EPB41L3: variants seen among roughly 807,000 people sequenced by gnomAD.
EPB41L3 encodes band 4.1-like protein 3.
EPB41L3 carries 57 observed loss-of-function variants against 127.1 expected under a neutral mutation model. That is an observed-to-expected ratio of 0.45 (90% CI 0.36 to 0.56). EPB41L3 has a LOEUF of 0.56. Ranked by LOEUF, EPB41L3 falls within the 20% of genes least tolerant of loss-of-function variation. The probability of loss-of-function intolerance (pLI) is 0.00; values close to 1 mark genes in which losing one functional copy is unlikely to be tolerated. For synonymous variants in EPB41L3, 572 were observed against 549.5 expected, an observed-to-expected ratio of 1.04 and a Z score of -0.57; for missense variants, 1,273 against 1,372.2, an observed-to-expected ratio of 0.93 and a Z score of 1.14.
At chr18:5,593,551 C>T (rs755043887) in intron 3 of EPB41L3, among the ~76,000 whole-genome samples, 7 of 152,030 alleles carry the variant, frequency 4.6e-5, no homozygotes, top group South Asian at 4.1e-4. Flanking sequence ...GGGACCAGGG[C>T]GAAATTAAAA....
At chr18:5,428,933 C>T (rs1295951613) in intron 8 of EPB41L3, among the ~76,000 whole-genome samples, 2 of 152,206 alleles carry the variant, frequency 1.3e-5, no homozygotes, top group African/African-American at 4.8e-5. Context: ...AGGCAGCACT[C>T]TTAACCAACA....
chr18:5,414,974 C>T (rs72866833), intron 13 of EPB41L3, among the ~76,000 whole-genome samples: 5,174 of 152,278 alleles, frequency 0.034, 124 homozygotes, highest in South Asian at 0.071. Flanking sequence ...TGGCTGGCAG[C>T]CATAGAGGCC....
intron 1 of EPB41L3, among the ~76,000 whole-genome samples, chr18:5,524,352 C>T (rs1032006850): frequency 2.0e-5 from 3 of 152,080 alleles, no homozygotes; most frequent in Non-Finnish European, 4.4e-5. Flanking sequence ...TGCCACCACG[C>T]CTGGCTAATT....
At chr18:5,600,469 C>CTT (rs1318685920) in intron 3 of EPB41L3, among the ~76,000 whole-genome samples, 1 of 152,132 alleles carries the variant, frequency 6.6e-6, no homozygotes, top group East Asian at 1.9e-4. Context: ...AAATATCAGT[C>CTT]TTTTGCTTTA....
At position 5,416,030 on chromosome 18, in the gene EPB41L3, G is replaced by T; in HGVS notation, c.1855C>A (p.Gln619Lys). Residue 619 changes from glutamine (Q) to lysine (K), a missense_variant, in exon 13 of 23, where the codon CAG (glutamine) becomes AAG (lysine). Physicochemically the swap from Gln to Lys is moderately conservative, Grantham distance 53. This residue lies in a region of EPB41L3 where 765 missense variants were observed against 782.9 expected (regional missense o/e 0.98). Coordinates refer to ENST00000341928, the MANE Select transcript of EPB41L3 (RefSeq NM_012307.5). Reference protein sequence around the residue: ...PNLSETNLLPQSLQHYLPIRS... With the variant: ...PNLSETNLLPKSLQHYLPIRS... ...ATCGGGAGGTAATGCTGCAAGCTCT[G>T]GGGCAGGAGGTTGGTTTCAGAAAGG... is the stretch of plus-strand genomic sequence containing the variant. 1 of 1,614,014 alleles carries T rather than the reference G, an allele frequency of 6.2e-7. No homozygotes were observed. Among genetic ancestry groups the T allele is most frequent in the Non-Finnish European group, 8.5e-7 (1 of 1,179,926 alleles).
chr18:5,561,141 C>G (rs1473207465), intron 3 of EPB41L3, among the ~76,000 whole-genome samples: 1 of 150,938 alleles, frequency 6.6e-6, no homozygotes, highest in Non-Finnish European at 1.5e-5. Flanking sequence ...CTACGCCCGG[C>G]TAATGTCTTG....
rs749541572 is a variant in EPB41L3, at chr18:5,397,302, G to A, written c.2597C>T (p.Ala866Val). Residue 866 changes from alanine to valine, a missense_variant, in exon 18 of 23, where the codon GCG (alanine) becomes GTG (valine). This residue lies in a region of EPB41L3 where 765 missense variants were observed against 782.9 expected (regional missense o/e 0.98). Transcript: ENST00000341928. This position sits in a 1 kb window ranked among gnomAD's most constrained non-coding sequence, Gnocchi z 4.1. ...CGCCGAGTAAGAAGCATCCCCACTC[G>A]CGTGCACCACACGCCGCTCCTCCAC... ...VLVEERRVVH[A>V]SGDASYSAGD... is the part of the protein sequence containing the mutation. 23 of 1,613,740 alleles carry A rather than the reference G, an allele frequency of 1.4e-5. No homozygotes were observed. The highest frequency in any genetic ancestry group is 2.2e-5 in the East Asian group (1 of 44,858).
chr18:5,432,871 T>C (rs1360873729), intron 8 of EPB41L3, among the ~76,000 whole-genome samples: 1 of 152,218 alleles, frequency 6.6e-6, no homozygotes, highest in Non-Finnish European at 1.5e-5. Flanking sequence ...GCTCTGATTA[T>C]TTGTCAGAGT....
chr18:5,489,322 C>G (rs2090315314), intron 1 of EPB41L3, 128 bp from the exon 2 acceptor site: 1 of 1,054,642 alleles, frequency 9.5e-7, no homozygotes, highest in Admixed American at 3.4e-5. Flanking sequence ...AAACCCCATC[C>G]TATTCCACAC....
intron 1 of EPB41L3, among the ~76,000 whole-genome samples, chr18:5,519,875 A>G (rs1001665991): frequency 6.6e-6 from 1 of 152,242 alleles, no homozygotes; most frequent in African/African-American, 2.4e-5. Flanking sequence ...CAAGGAAATC[A>G]CTAGAATGAC....
chr18:5,628,600 T>C (rs2094950673), intron 1 of EPB41L3, among the ~76,000 whole-genome samples: 1 of 152,188 alleles, frequency 6.6e-6, no homozygotes, highest in South Asian at 2.1e-4. Flanking sequence ...CGGGAGGATT[T>C]CGCCTCCAGC....
chr18:5,573,366 C>T (rs2094303705), intron 3 of EPB41L3, among the ~76,000 whole-genome samples: 1 of 152,126 alleles, frequency 6.6e-6, no homozygotes, highest in Admixed American at 6.5e-5. Flanking sequence ...TAAAAAATTG[C>T]CTTGGCTAAG....
At chr18:5,417,565 C>T (rs535087762) in intron 12 of EPB41L3, among the ~76,000 whole-genome samples, 14 of 152,186 alleles carry the variant, frequency 9.2e-5, no homozygotes, top group Non-Finnish European at 1.8e-4. Context: ...TGTGTTTTGC[C>T]CAGTGGCCTG....
intron 3 of EPB41L3, among the ~76,000 whole-genome samples, chr18:5,472,213 TC>T (rs2086274581): frequency 6.6e-6 from 1 of 152,202 alleles, no homozygotes; most frequent in Admixed American, 6.5e-5. Flanking sequence ...GAGACAAATG[TC>T]AATACCGTAA....
intron 1 of EPB41L3, among the ~76,000 whole-genome samples, chr18:5,528,410 A>G (rs1013644823): frequency 2.6e-5 from 4 of 152,076 alleles, no homozygotes; most frequent in Non-Finnish European, 5.9e-5. Flanking sequence ...TCCTGAGCTC[A>G]AGTGATCCTC....
chr18:5,443,896 C>T lies in EPB41L3; in HGVS notation c.487-16G>A. On this transcript the variant is annotated splice_polypyrimidine_tract_variant and intron_variant, in intron 4 of 22. Coordinates refer to ENST00000341928, the MANE Select transcript of EPB41L3 (RefSeq NM_012307.5). ...CCAACCAATTCTGAAAAGGAAATGA[C>T]ATTTTGAATTTGAATCAGAGGAGAA... 6.2e-7 allele frequency: 1 copy of T among 1,603,648 alleles called. No homozygotes were observed. The highest frequency in any genetic ancestry group is 8.5e-7 in the Non-Finnish European group (1 of 1,174,654).
chr18:5,407,143 TG>T (rs2075530998), intron 15 of EPB41L3, 175 bp from the exon 16 acceptor site: 3 of 603,974 alleles, frequency 5.0e-6, no homozygotes, highest in Non-Finnish European at 8.6e-6. Context: ...GATTTTCCCA[TG>T]GAAAGGAAAC....
rs1268848565 is a variant in EPB41L3, at chr18:5,392,571, T to C, written c.*914A>G. 6.6e-6 allele frequency: 1 copy of C among 152,512 alleles called. No homozygotes were observed. The highest frequency in any genetic ancestry group is 1.5e-5 in the Non-Finnish European group (1 of 68,024). 9.4% of individuals were successfully genotyped at this position (152,512 alleles called of 1,614,324 possible). On this transcript the variant is annotated 3_prime_UTR_variant, in exon 23 of 23. Coordinates refer to ENST00000341928, the MANE Select transcript of EPB41L3 (RefSeq NM_012307.5). ...GCTTGGCTCTGAACTAGAATGTAAA[T>C]ATGGACCAGATTTGAAAATAAAACA...
intron 3 of EPB41L3, among the ~76,000 whole-genome samples, chr18:5,586,568 T>A (rs1389355822): frequency 6.7e-6 from 1 of 148,798 alleles, no homozygotes; most frequent in African/African-American, 2.5e-5. Flanking sequence ...CATGACTATT[T>A]TTTTTTTTTT....
Sources: allele counts gnomAD v4.1 joint callset (sites outside exome capture counted in the v4.1 genomes callset), GRCh38; gene constraint gnomAD v4.1.1; regional missense constraint gnomAD v4.1.1; non-coding constraint Gnocchi (gnomAD v3.1); transcripts MANE v1.5; gene names NCBI Gene and HGNC (gene_info 2026-07-23, HGNC 2026-07-21).